The following CTNNA2 variants were observed in gnomAD, a reference collection of about 807,000 sequenced individuals.
CTNNA2 encodes the protein catenin alpha 2.
A neutral mutation model predicts 101.0 loss-of-function variants in CTNNA2; 42 were observed. That is an observed-to-expected ratio of 0.42 (90% CI 0.32 to 0.54). The LOEUF (loss-of-function observed/expected upper bound fraction) is 0.54. Among genes scored for constraint, CTNNA2 ranks in the 20% least tolerant of loss-of-function variants. CTNNA2 has a pLI of 0.14. For missense variants in CTNNA2, 871 were observed against 1,223.1 expected (o/e 0.71, Z 4.29); for synonymous variants, 450 against 456.4 (o/e 0.99, Z 0.18).
chr2:80,181,075 T>C (rs1705747252), intron 7 of CTNNA2, among the ~76,000 whole-genome samples: 1 of 152,200 alleles, frequency 6.6e-6, no homozygotes, highest in African/African-American at 2.4e-5. Flanking sequence ...AGGAGTTATT[T>C]TGGAGTGTAG....
chr2:80,313,925 A>G (rs1677851267), intron 7 of CTNNA2, among the ~76,000 whole-genome samples: 1 of 152,164 alleles, frequency 6.6e-6, no homozygotes. Flanking sequence ...GGATTGACAA[A>G]CTTTTAAGTG....
intron 1 of CTNNA2, among the ~76,000 whole-genome samples, chr2:79,195,294 C>A (rs1367677000): frequency 6.6e-6 from 1 of 152,178 alleles, no homozygotes; most frequent in African/African-American, 2.4e-5. Context: ...AAATGGGACC[C>A]TTTTCAGAAT....
At chr2:80,559,515 A>C (rs1693357772) in intron 12 of CTNNA2, among the ~76,000 whole-genome samples, 1 of 152,236 alleles carries the variant, frequency 6.6e-6, no homozygotes, top group Non-Finnish European at 1.5e-5. Context: ...TAGTAAAGAC[A>C]GTGCTTTGCT....
At chr2:80,418,886 A>T (rs189287263) in intron 8 of CTNNA2, among the ~76,000 whole-genome samples, 5 of 152,328 alleles carry the variant, frequency 3.3e-5, no homozygotes, top group Admixed American at 3.3e-4. Flanking sequence ...AAGAATAATT[A>T]TAAGTATTTC....
chr2:80,322,547 C>A (rs2149248236), intron 7 of CTNNA2, among the ~76,000 whole-genome samples: 1 of 151,732 alleles, frequency 6.6e-6, no homozygotes, highest in African/African-American at 2.4e-5. Context: ...CGGGCCCTTG[C>A]AGCTCCGGGA....
chr2:80,093,422 G>C (rs1699920317), intron 7 of CTNNA2, among the ~76,000 whole-genome samples: 1 of 152,098 alleles, frequency 6.6e-6, no homozygotes, highest in Non-Finnish European at 1.5e-5. Context: ...CATTTGGGTT[G>C]GTTCCAAGTC....
intron 17 of CTNNA2, among the ~76,000 whole-genome samples, chr2:80,617,198 G>A (rs1036381043): frequency 2.6e-4 from 39 of 151,518 alleles, no homozygotes; most frequent in Non-Finnish European, 4.3e-4. Context: ...TTTCTAATAC[G>A]TAATAATTTT....
chr2:79,531,082 C>A (rs1672706192), intron 1 of CTNNA2, among the ~76,000 whole-genome samples: 1 of 151,378 alleles, frequency 6.6e-6, no homozygotes, highest in African/African-American at 2.4e-5. Context: ...AATAGATGGA[C>A]TGCTAAAATC....
At chr2:79,386,827 G>A (rs747559496) in intron 4 of CTNNA2, among the ~76,000 whole-genome samples, 1 of 152,146 alleles carries the variant, frequency 6.6e-6, no homozygotes. Context: ...CTTTGACAAA[G>A]GGATCCATGT....
chr2:79,970,694 G>A (rs1690414138), intron 7 of CTNNA2, among the ~76,000 whole-genome samples: 1 of 152,100 alleles, frequency 6.6e-6, no homozygotes, highest in South Asian at 2.1e-4. Flanking sequence ...AATAATAATA[G>A]GTGGCAGGCC....
rs193020951 is a variant in CTNNA2 at position 79,843,895 on chromosome 2, C to T, written c.299-14118C>T. Among the ~76,000 whole-genome samples the T allele has an allele frequency of 3.4e-4, 51 of 151,704 alleles. 2 individuals are homozygous for T. The East Asian group carries it at 7.5e-3, about 22-fold the overall frequency. ...CATGAGTGTTTGCTTAAAAAAAAAT[C>T]CATGTTAGCTTATTAATCCTTATTG... is the stretch of plus-strand genomic sequence containing the variant. On this transcript the variant is annotated intron_variant, in intron 3 of 18. Transcript: ENST00000402739.
intron 3 of CTNNA2, among the ~76,000 whole-genome samples, chr2:79,796,536 T>C (rs985842501): frequency 6.6e-6 from 1 of 152,174 alleles, no homozygotes; most frequent in Non-Finnish European, 1.5e-5. Context: ...AACTGACTCC[T>C]GACCACAAGC....
intron 4 of CTNNA2, among the ~76,000 whole-genome samples, chr2:79,455,120 T>G (rs1398642380): frequency 6.6e-6 from 1 of 152,166 alleles, no homozygotes; most frequent in Non-Finnish European, 1.5e-5. Flanking sequence ...GAAGACTAAG[T>G]GACTTAAAAA....
rs148446556 is a variant in CTNNA2, at chr2:80,644,420, A to G, written c.2575-3165A>G. Among the ~76,000 whole-genome samples, 3 of 152,314 alleles carry G rather than the reference A, an allele frequency of 2.0e-5. No individual in the cohort carries two copies. The East Asian group carries it at 5.8e-4, about 29-fold the overall frequency. On this transcript the variant is annotated intron_variant, in intron 18 of 18. Coordinates refer to ENST00000402739, the MANE Select transcript of CTNNA2 (RefSeq NM_001282597.3). ...ACAAAAGAGAATGCAACTATGTTAA[A>G]TAAATGTTCCTAAACTTGGTATTTA...
At chr2:80,185,232 C>T (rs891136354) in intron 7 of CTNNA2, among the ~76,000 whole-genome samples, 6 of 152,134 alleles carry the variant, frequency 3.9e-5, no homozygotes, top group Admixed American at 3.9e-4. Flanking sequence ...CAGAAGTCAC[C>T]CTCAGTTCCT....
intron 3 of CTNNA2, among the ~76,000 whole-genome samples, chr2:79,747,978 T>A (rs1245578934): frequency 6.6e-6 from 1 of 152,230 alleles, no homozygotes; most frequent in African/African-American, 2.4e-5. Flanking sequence ...AAATTTGCTT[T>A]GTTATTTTTC....
chr2:79,958,113 G>T (rs1658479691), intron 7 of CTNNA2, among the ~76,000 whole-genome samples: 1 of 152,142 alleles, frequency 6.6e-6, no homozygotes, highest in Non-Finnish European at 1.5e-5. Flanking sequence ...GTAATGTTCA[G>T]AACTTGACTC....
chr2:79,423,014 T>A (rs927229628), intron 4 of CTNNA2, among the ~76,000 whole-genome samples: 2 of 152,170 alleles, frequency 1.3e-5, no homozygotes, highest in African/African-American at 4.8e-5. Context: ...TTGACTCTCC[T>A]TTGTTGAAGA....
intron 2 of CTNNA2, among the ~76,000 whole-genome samples, chr2:79,221,065 C>A (rs894707305): frequency 3.3e-5 from 5 of 152,062 alleles, no homozygotes; most frequent in Non-Finnish European, 7.4e-5. Flanking sequence ...TTCTAGAAAG[C>A]AAGTCAATTA....
Sources: gnomAD v4.1 joint callset for allele counts (sites outside exome capture counted in the v4.1 genomes callset) on GRCh38, gnomAD v4.1.1 for gene constraint, MANE v1.5 for transcripts, NCBI Gene and HGNC (gene_info 2026-07-23, HGNC 2026-07-21) for gene names.